Variants in PPRC1 observed in about 807,000 individuals in gnomAD.
PPRC1 encodes PPARG related coactivator 1.
A neutral mutation model predicts 132.5 loss-of-function variants in PPRC1; 23 were observed. That is an observed-to-expected ratio of 0.17 (90% CI 0.12 to 0.25). The LOEUF (loss-of-function observed/expected upper bound fraction) is 0.25, where lower values mean the gene tolerates loss of function less well. Ranked by LOEUF, PPRC1 falls within the 10% of genes least tolerant of loss-of-function variation. The probability of loss-of-function intolerance (pLI) is 1.00; values close to 1 mark genes in which losing one functional copy is unlikely to be tolerated. For missense variants in PPRC1, 2,006 were observed against 2,089.1 expected (o/e 0.96, Z 0.78); for synonymous variants, 872 against 833.5 (o/e 1.05, Z -0.80).
chr10:102,120,825 G>A, the PPRC1 span, among the ~76,000 whole-genome samples: 1 of 152,218 alleles, frequency 6.6e-6, no homozygotes, highest in Non-Finnish European at 1.5e-5. Flanking sequence ...AGGCGGAGCC[G>A]GGGTGGGCAG....
Position 102,139,988 on chromosome 10 carries a change from A to G in PPRC1, c.1480A>G (p.Thr494Ala). 6.2e-7 allele frequency: 1 copy of G among 1,614,174 alleles called. No homozygotes were observed. Among genetic ancestry groups the G allele is most frequent in the Non-Finnish European group, 8.5e-7 (1 of 1,180,028 alleles). Reference sequence around the variant, plus strand: ...GCAGTCTACTGTAGGTACAGAAGTGACCTCTCAGGTAGACAACTTGCAGAA... The same window carrying G: ...GCAGTCTACTGTAGGTACAGAAGTGGCCTCTCAGGTAGACAACTTGCAGAA... ...RGQSTVGTEV[T>A]SQVDNLQKQP... The change falls in exon 5 of 14, where the codon ACC (threonine) becomes GCC (alanine). Residue 494 changes from threonine to alanine, a missense_variant. This residue lies in a region of PPRC1 where 1,914 missense variants were observed against 1,917.2 expected (regional missense o/e 1.00). Transcript: ENST00000278070.
chr10:102,124,533 T>C, the PPRC1 span, among the ~76,000 whole-genome samples: 2 of 151,726 alleles, frequency 1.3e-5, no homozygotes, highest in Admixed American at 6.6e-5. Flanking sequence ...TTGGCTAATT[T>C]TGTATTTTTA....
chr10:102,140,595 G>A lies in PPRC1; in HGVS notation c.2087G>A (p.Gly696Asp). ...TCCAGACCAACTGATCCCAGACGTG[G>A]TGCAGTGTCATCAGCCCTGGGGGGT... is the stretch of plus-strand genomic sequence containing the variant. ...VKSRPTDPRR[G>D]AVSSALGGSA... Residue 696 changes from glycine to aspartate, a missense_variant, in exon 5 of 14, where the codon GGT (glycine) becomes GAT (aspartate). This residue lies in a region of PPRC1 where 1,914 missense variants were observed against 1,917.2 expected (regional missense o/e 1.00). Transcript: ENST00000278070. The A allele has an allele frequency of 6.2e-7, 1 of 1,614,076 alleles. No individual in the cohort carries two copies. The highest frequency in any genetic ancestry group is 8.5e-7 in the Non-Finnish European group (1 of 1,180,004).
Position 102,148,486 on chromosome 10 carries a change from C to T in PPRC1, c.4515C>T (p.Ser1505=). 6.2e-7 allele frequency: 1 copy of T among 1,613,320 alleles called. No individual in the cohort carries two copies. Among genetic ancestry groups the T allele is most frequent in the Non-Finnish European group, 8.5e-7 (1 of 1,179,260 alleles). ...CCAGTTCTCGAAGCCGCTCACGATC[C>T]CCATCCCCCCGCCGGAGAAGTGACA... The part of the protein sequence containing the change: ...SSSSSRSRSR[S]PSPRRRSDRR... Residue 1505 remains serine, a synonymous_variant, in exon 10 of 14, where the codon TCC becomes TCT. Coordinates refer to ENST00000278070, the MANE Select transcript of PPRC1 (RefSeq NM_015062.5). This position sits in a 1 kb window ranked among gnomAD's most constrained non-coding sequence, Gnocchi z 4.2.
chr10:102,138,043 G>A lies in PPRC1; in HGVS notation c.342+5G>A. 1 of 1,612,530 alleles carries A rather than the reference G, an allele frequency of 6.2e-7. No homozygotes were observed. The highest frequency in any genetic ancestry group is 8.5e-7 in the Non-Finnish European group (1 of 1,179,060). ...GATTTTGGGAGCCTTGGAGAGGTGAGCTGGGGCTGGACTCTGAAATCTTCA... is the reference window on the plus strand; with the variant it reads ...GATTTTGGGAGCCTTGGAGAGGTGAACTGGGGCTGGACTCTGAAATCTTCA... On this transcript the variant is annotated splice_donor_5th_base_variant and intron_variant, in intron 2 of 13. Coordinates refer to ENST00000278070, the MANE Select transcript of PPRC1 (RefSeq NM_015062.5).
chr10:102,123,045 C>T, the PPRC1 span, among the ~76,000 whole-genome samples: 1 of 152,170 alleles, frequency 6.6e-6, no homozygotes, highest in Non-Finnish European at 1.5e-5. Context: ...CTAGCTTCAC[C>T]TTCTCTGGGA....
chr10:102,130,259 A>G (rs1292866173), upstream of PPRC1, among the ~76,000 whole-genome samples: 2 of 151,782 alleles, frequency 1.3e-5, no homozygotes, highest in African/African-American at 2.4e-5. Context: ...TACTAAATAT[A>G]CAAAAAAATT....
chr10:102,147,047 A>G lies in PPRC1; in HGVS notation c.4055A>G (p.Glu1352Gly). 1 of 1,614,042 alleles carries G rather than the reference A, an allele frequency of 6.2e-7. No individual in the cohort carries two copies. The highest frequency in any genetic ancestry group is 1.1e-5 in the South Asian group (1 of 91,078). Residue 1352 changes from glutamate to glycine, a missense_variant, in exon 9 of 14, where the codon GAG becomes GGG. Glu to Gly is a moderately conservative substitution (Grantham distance 98). This residue lies in a region of PPRC1 where 1,914 missense variants were observed against 1,917.2 expected (regional missense o/e 1.00). Transcript: ENST00000278070. Reference protein sequence around the residue: ...PPPPCIAASREPLDHRTSSEQ... With the variant: ...PPPPCIAASRGPLDHRTSSEQ... ...CCCCCATGCATAGCTGCCTCCCGGG[A>G]GCCGCTTGATCACAGGACTAGCAGT... is the stretch of plus-strand genomic sequence containing the variant.
intron 7 of PPRC1, 191 bp from the exon 8 acceptor site, chr10:102,144,829 C>G: frequency 1.7e-6 from 1 of 581,692 alleles, no homozygotes. Flanking sequence ...TGGAATTGGG[C>G]AGGGCTCAGT....
At position 102,137,871 on chromosome 10, in the gene PPRC1, G is replaced by A; in HGVS notation, c.175G>A (p.Gly59Ser). 1 of 1,613,940 alleles carries A rather than the reference G, an allele frequency of 6.2e-7. No homozygotes were observed. Among genetic ancestry groups the A allele is most frequent in the South Asian group, 1.1e-5 (1 of 91,068 alleles). ...GEQVLLHEEA[G>S]DSGFVSLSRL... is the part of the protein sequence containing the mutation. ...CCAGGTGCTGCTGCATGAGGAGGCG[G>A]GTGATTCTGGCTTTGTCAGTCTCTC... The change falls in exon 2 of 14, where the codon GGT becomes AGT. Residue 59 changes from glycine (G) to serine (S), a missense_variant. Physicochemically the swap from Gly to Ser is moderately conservative, Grantham distance 56 (BLOSUM62 0). This residue lies in a region of PPRC1 where 1,914 missense variants were observed against 1,917.2 expected (regional missense o/e 1.00). Coordinates refer to ENST00000278070, the MANE Select transcript of PPRC1 (RefSeq NM_015062.5).
At chr10:102,121,927 T>C in the PPRC1 span, among the ~76,000 whole-genome samples, 1 of 152,134 alleles carries the variant, frequency 6.6e-6, no homozygotes, top group Non-Finnish European at 1.5e-5. Flanking sequence ...ACCTCTTCTC[T>C]CCACCTTAGG....
chr10:102,139,090 T>G lies in PPRC1; in HGVS notation c.592-10T>G. 6.2e-7 allele frequency: 1 copy of G among 1,606,714 alleles called. No individual in the cohort carries two copies. The highest frequency in any genetic ancestry group is 1.1e-5 in the South Asian group (1 of 90,654). ...AAAACTCCTCCTGAGACCTCTCTTC[T>G]CTCCTGCAGGTTGAAATGTCTCTTC... On this transcript the variant is annotated splice_polypyrimidine_tract_variant and intron_variant, in intron 4 of 13. Coordinates refer to ENST00000278070, the MANE Select transcript of PPRC1 (RefSeq NM_015062.5).
At position 102,148,196 on chromosome 10, in the gene PPRC1, T is replaced by C. The variant is rs965891611; in HGVS notation, c.4401-176T>C. On this transcript the variant is annotated intron_variant, in intron 9 of 13. Coordinates refer to ENST00000278070, the MANE Select transcript of PPRC1 (RefSeq NM_015062.5). The surrounding 1 kb of genome is among the most constrained non-coding windows in gnomAD (Gnocchi z 4.2). The stretch of plus-strand genomic sequence containing the variant: ...CATTCCAGGTACACCTAAAGTTCCA[T>C]GAAGGGCCTCAGTTTGTTCATCTCT... Among the ~76,000 whole-genome samples, 11 of 152,240 alleles carry C rather than the reference T, an allele frequency of 7.2e-5. No homozygotes were observed. Among genetic ancestry groups the C allele is most frequent in the Non-Finnish European group, 1.5e-4 (10 of 68,044 alleles).
chr10:102,138,503 C>A, intron 2 of PPRC1, 116 bp from the exon 3 acceptor site: 1 of 1,274,734 alleles, frequency 7.8e-7, no homozygotes, highest in Non-Finnish European at 1.1e-6. Flanking sequence ...ATCCTTCTCG[C>A]TGCCCCATTA....
chr10:102,133,697 G>C (rs2068610691), intron 1 of PPRC1, among the ~76,000 whole-genome samples: 1 of 151,836 alleles, frequency 6.6e-6, no homozygotes, highest in Non-Finnish European at 1.5e-5. Flanking sequence ...TCCACGTGGG[G>C]GCGGGGAAGG....
At chr10:102,126,391 A>G in the PPRC1 span, among the ~76,000 whole-genome samples, 14 of 151,824 alleles carry the variant, frequency 9.2e-5, no homozygotes, top group East Asian at 2.5e-3. Context: ...CAGATGATAT[A>G]TGTCTTATGG....
In PPRC1 at chr10:102,150,147, G is replaced by A. The variant is rs1554925151; in HGVS notation, c.*118G>A. 6.0e-6 allele frequency: 4 copies of A among 664,930 alleles called. No homozygotes were observed. The highest frequency in any genetic ancestry group is 1.0e-5 in the Non-Finnish European group (4 of 389,580). The allele number at this position is 664,930 out of a possible 1,614,324, so 41.2% of individuals were successfully genotyped here. A position where few individuals can be genotyped will look rare whatever the true frequency, so the allele number is the denominator to read the frequency against. Reference sequence around the variant, plus strand: ...GAGATGACTGTTTTATAAAGAAATGGAAAAAAGTGAAATAAAAAATATGTT... The same window carrying A: ...GAGATGACTGTTTTATAAAGAAATGAAAAAAAGTGAAATAAAAAATATGTT... On this transcript the variant is annotated 3_prime_UTR_variant, in exon 14 of 14. Coordinates refer to ENST00000278070, the MANE Select transcript of PPRC1 (RefSeq NM_015062.5).
Position 102,133,204 on chromosome 10 carries a change from G to T in PPRC1, c.136G>T (p.Val46Leu). Reference sequence around the variant, plus strand: ...AGCGCCGTATGGGACTTTGGGCGCTGTGAGCGGCGGCGAGCAGGTGAGAGG... The same window carrying T: ...AGCGCCGTATGGGACTTTGGGCGCTTTGAGCGGCGGCGAGCAGGTGAGAGG... The part of the protein sequence containing the change: ...SQAPYGTLGA[V>L]SGGEQVLLHE... The change falls in exon 1 of 14, where the codon GTG (valine) becomes TTG (leucine). Residue 46 changes from valine (V) to leucine (L), a missense_variant. Val to Leu is a conservative substitution (Grantham distance 32, BLOSUM62 1). Around this residue, in one of 2 missense-constraint regions of PPRC1, gnomAD observed 1,914 missense variants for 1,917.2 expected, o/e 1.00. Transcript: ENST00000278070. 7.8e-7 allele frequency: 1 copy of T among 1,282,276 alleles called. No individual in the cohort carries two copies. Among genetic ancestry groups the T allele is most frequent in the East Asian group, 2.9e-5 (1 of 34,380 alleles). 79.4% of individuals were successfully genotyped at this position (1,282,276 alleles called of 1,614,324 possible). A position where few individuals can be genotyped will look rare whatever the true frequency, so the allele number is the denominator to read the frequency against.
Position 102,144,259 on chromosome 10 carries a change from A to AGT in PPRC1, c.3563_3564dup (p.Pro1189ValfsTer12). The AGT allele has an allele frequency of 6.2e-7, 1 of 1,614,150 alleles. No individual in the cohort carries two copies. The highest frequency in any genetic ancestry group is 8.5e-7 in the Non-Finnish European group (1 of 1,180,016). ...TATGGTTTCTTTGCAGCCAAAAAGG[A>AGT]GTGTCCTCCTCCGGCTCCTGCTGAC... On this transcript the variant is annotated frameshift_variant, in exon 7 of 14. Coordinates refer to ENST00000278070, the MANE Select transcript of PPRC1 (RefSeq NM_015062.5). LOFTEE classifies it high-confidence loss of function.
Sources: gnomAD v4.1 joint callset for allele counts (sites outside exome capture counted in the v4.1 genomes callset) on GRCh38, gnomAD v4.1.1 for gene constraint, gnomAD v4.1.1 regional missense constraint, Gnocchi (gnomAD v3.1) non-coding constraint, MANE v1.5 for transcripts, NCBI Gene and HGNC (gene_info 2026-07-23, HGNC 2026-07-21) for gene names.